MMP26: variants seen among roughly 807,000 people sequenced by gnomAD.
The protein encoded by MMP26 is matrix metallopeptidase 26.
MMP26 carries 33 observed loss-of-function variants against 31.0 expected under a neutral mutation model. That is an observed-to-expected ratio of 1.06 (90% confidence interval 0.81 to 1.42). MMP26 has a LOEUF of 1.42. Among genes scored for constraint, MMP26 ranks in the 40% most tolerant of loss-of-function variants. The pLI is 0.00. For synonymous variants in MMP26, 122 were observed against 114.9 expected (o/e 1.06, Z -0.40); for missense variants, 347 against 316.1 (o/e 1.10, Z -0.74).
At chr11:4,970,945 T>C (rs1194652890) in intron 2 of MMP26, among the ~76,000 whole-genome samples, 1 of 151,602 alleles carries the variant, frequency 6.6e-6, no homozygotes, top group African/African-American at 2.4e-5. Context: ...GTGAAGGGAG[T>C]GAATAGACCT....
intron 2 of MMP26, among the ~76,000 whole-genome samples, chr11:4,798,457 C>T (rs2133449460): frequency 6.6e-6 from 1 of 152,336 alleles, no homozygotes; most frequent in Middle Eastern, 3.4e-3. Flanking sequence ...ACACACAATA[C>T]TCAAAATGCA....
chr11:4,755,320 G>A (rs867581737), intron 1 of MMP26, among the ~76,000 whole-genome samples: 5 of 151,880 alleles, frequency 3.3e-5, no homozygotes, highest in South Asian at 2.1e-4. Flanking sequence ...TAACTTCTCC[G>A]AACTGAGGAA....
At chr11:4,715,577 T>G (rs942483209) in intron 1 of MMP26, among the ~76,000 whole-genome samples, 1 of 152,172 alleles carries the variant, frequency 6.6e-6, no homozygotes, top group African/African-American at 2.4e-5. Context: ...TTTGGTGAAG[T>G]AGGGAAAAGC....
At chr11:4,710,328 T>A (rs1180121186) in intron 1 of MMP26, 1 of 456,876 alleles carries the variant, frequency 2.2e-6, no homozygotes, top group Non-Finnish European at 4.4e-6. Flanking sequence ...TGCCATCTTC[T>A]ACATCCCCAT....
intron 2 of MMP26, among the ~76,000 whole-genome samples, chr11:4,938,503 G>T (rs1846160728): frequency 6.6e-6 from 1 of 151,148 alleles, no homozygotes; most frequent in African/African-American, 2.4e-5. Flanking sequence ...AAAAGCAAAT[G>T]GGAAGAATAT....
intron 2 of MMP26, among the ~76,000 whole-genome samples, chr11:4,967,927 G>A (rs1846617920): frequency 6.6e-6 from 1 of 152,132 alleles, no homozygotes; most frequent in Non-Finnish European, 1.5e-5. Context: ...AAAAGGGAAA[G>A]GGGATTCTTT....
chr11:4,812,154 A>G (rs1464350172), intron 2 of MMP26, among the ~76,000 whole-genome samples: 1 of 152,134 alleles, frequency 6.6e-6, no homozygotes, highest in Non-Finnish European at 1.5e-5. Flanking sequence ...TTGGAAAAAA[A>G]GGTTTTTGGG....
intron 2 of MMP26, among the ~76,000 whole-genome samples, chr11:4,857,482 G>T (rs889489990): frequency 6.6e-6 from 1 of 152,002 alleles, no homozygotes; most frequent in African/African-American, 2.4e-5. Flanking sequence ...TAGAAGAAAT[G>T]GATAAATTCC....
At chr11:4,894,447 G>A (rs1478066355) in intron 2 of MMP26, among the ~76,000 whole-genome samples, 2 of 152,074 alleles carry the variant, frequency 1.3e-5, no homozygotes, top group Non-Finnish European at 2.9e-5. Flanking sequence ...TTCTAATTGA[G>A]GATATGTACA....
At chr11:4,724,196 G>T (rs1471470792) in intron 1 of MMP26, 9 of 508,740 alleles carry the variant, frequency 1.8e-5, no homozygotes, top group Non-Finnish European at 3.2e-5. Flanking sequence ...GTGGAGGCAG[G>T]CGATGGGCCT....
chr11:4,989,230 A>G (rs192451693), intron 3 of MMP26, among the ~76,000 whole-genome samples: 31 of 152,306 alleles, frequency 2.0e-4, no homozygotes, highest in Admixed American at 6.5e-4. Flanking sequence ...TGCAAATGAA[A>G]TGGGGAATGC....
At position 4,815,245 on chromosome 11, in the gene MMP26, TGTCTCAGGTGAGCAAAGG is replaced by T. The variant is rs1443051837; in HGVS notation, c.-145+47906_-145+47923del. Among the ~76,000 whole-genome samples the T allele has an allele frequency of 4.6e-5, 7 of 152,292 alleles. No homozygotes were observed. The East Asian group carries it at 1.2e-3, about 25-fold the overall frequency. On this transcript the variant is annotated intron_variant, in intron 2 of 7. Transcript: ENST00000380390. Reference sequence around the variant, plus strand: ...CAGAGGAAGCAATCAGATGTGCATTTGTCTCAGGTGAGCAAAGGGATGGCTTCCAGTTCTGTTCTTTTT... The same window carrying T: ...CAGAGGAAGCAATCAGATGTGCATTTGATGGCTTCCAGTTCTGTTCTTTTT...
At chr11:4,903,625 A>G (rs1850835898) in intron 2 of MMP26, among the ~76,000 whole-genome samples, 1 of 152,118 alleles carries the variant, frequency 6.6e-6, no homozygotes. Context: ...TTAAGGTACA[A>G]TGAATACAAA....
intron 2 of MMP26, among the ~76,000 whole-genome samples, chr11:4,856,612 CAAT>C (rs1455983658): frequency 7.2e-5 from 11 of 152,058 alleles, no homozygotes; most frequent in Admixed American, 1.3e-4. Context: ...GACTCCCACA[CAAT>C]AATAATGGGA....
chr11:4,710,225 C>G (rs1305658907), intron 1 of MMP26: 3 of 456,744 alleles, frequency 6.6e-6, no homozygotes, highest in Non-Finnish European at 1.3e-5. Flanking sequence ...TCCTCATCTC[C>G]TATGTTCTGA....
At position 4,979,359 on chromosome 11, in the gene MMP26, C is replaced by G. The variant is rs142314755; in HGVS notation, c.-144-8709C>G. ...CATTATACACATTATACTGATTTCC[C>G]TGGTCCTCCAAAGGGATTGACAGTC... On this transcript the variant is annotated intron_variant, in intron 2 of 7. Coordinates refer to ENST00000380390, the MANE Select transcript of MMP26 (RefSeq NM_021801.5). Among the ~76,000 whole-genome samples, 9 of 152,252 alleles carry G rather than the reference C, an allele frequency of 5.9e-5. No homozygotes were observed. In the East Asian group the frequency reaches 1.7e-3, roughly 29 times the overall value.
At chr11:4,747,487 C>T (rs1004895460) in intron 1 of MMP26, among the ~76,000 whole-genome samples, 10 of 152,068 alleles carry the variant, frequency 6.6e-5, no homozygotes, top group African/African-American at 1.9e-4. Flanking sequence ...GCAATGGTTA[C>T]CTCTATAGAG....
At chr11:4,776,887 C>G (rs1347759221) in intron 2 of MMP26, among the ~76,000 whole-genome samples, 1 of 152,102 alleles carries the variant, frequency 6.6e-6, no homozygotes, top group Non-Finnish European at 1.5e-5. Context: ...ATTACCTAGT[C>G]TCAGGTGGTT....
intron 2 of MMP26, among the ~76,000 whole-genome samples, chr11:4,889,117 G>A (rs952356167): frequency 6.6e-6 from 1 of 152,076 alleles, no homozygotes; most frequent in Non-Finnish European, 1.5e-5. Flanking sequence ...ACACTCACAG[G>A]AGTAGGACAC....
Sources: gnomAD v4.1 joint callset for allele counts (sites outside exome capture counted in the v4.1 genomes callset) on GRCh38, gnomAD v4.1.1 for gene constraint, MANE v1.5 for transcripts, NCBI Gene and HGNC (gene_info 2026-07-23, HGNC 2026-07-21) for gene names.